TRIQK: variants seen among roughly 807,000 people sequenced by gnomAD.
The protein encoded by TRIQK is triple QxxK/R motif-containing protein.
Under a neutral mutation model 10.8 loss-of-function variants are expected in TRIQK, and 10 were observed. The observed-to-expected ratio is 0.92, with a 90% CI of 0.57 to 1.57. TRIQK has a LOEUF of 1.57. TRIQK is among the 40% of genes most tolerant of loss of function. The pLI, the probability that TRIQK is intolerant of heterozygous loss-of-function variation, is 0.00. For missense variants in TRIQK, 107 were observed against 97.7 expected (o/e 1.09, Z -0.40); for synonymous variants, 33 against 33.7 (o/e 0.98, Z 0.07).
At chr8:92,939,248 G>T (rs1811149914) in intron 2 of TRIQK, among the ~76,000 whole-genome samples, 1 of 152,138 alleles carries the variant, frequency 6.6e-6, no homozygotes, top group Non-Finnish European at 1.5e-5. Flanking sequence ...CCCCAGTGGG[G>T]TCTCAACTAA....
chr8:92,949,979 TG>T (rs1465025206), intron 2 of TRIQK, among the ~76,000 whole-genome samples: 1 of 152,172 alleles, frequency 6.6e-6, no homozygotes, highest in Non-Finnish European at 1.5e-5. Flanking sequence ...GATATAAGAA[TG>T]CTCTCAGAAT....
At chr8:92,910,158 G>C (rs532643435) in intron 3 of TRIQK, among the ~76,000 whole-genome samples, 1 of 151,300 alleles carries the variant, frequency 6.6e-6, no homozygotes, top group Non-Finnish European at 1.5e-5. Flanking sequence ...AAAAAAATTA[G>C]ATGGAGCTTC....
chr8:92,891,216 T>A (rs1223171383), intron 4 of TRIQK, among the ~76,000 whole-genome samples: 3 of 151,902 alleles, frequency 2.0e-5, no homozygotes, highest in Non-Finnish European at 2.9e-5. Flanking sequence ...CTGTAAGCTA[T>A]AACTTAGAAA....
intron 2 of TRIQK, among the ~76,000 whole-genome samples, chr8:92,933,973 C>CA (rs993142254): frequency 2.0e-4 from 30 of 151,860 alleles, no homozygotes; most frequent in African/African-American, 6.5e-4. Context: ...CCAAATTCAA[C>CA]AAAAAAATCC....
intron 1 of TRIQK, among the ~76,000 whole-genome samples, chr8:92,997,449 A>G (rs1032379374): frequency 3.3e-5 from 5 of 152,080 alleles, no homozygotes; most frequent in African/African-American, 4.8e-5. Context: ...TATCTAGGTT[A>G]CAAATTTATG....
intron 4 of TRIQK, among the ~76,000 whole-genome samples, chr8:92,888,989 G>A (rs1024852019): frequency 1.1e-4 from 17 of 151,588 alleles, no homozygotes; most frequent in Non-Finnish European, 3.0e-5. Flanking sequence ...CAACTAAATA[G>A]CAAACTTAGT....
At chr8:92,975,334 G>C (rs1194306330) in intron 1 of TRIQK, among the ~76,000 whole-genome samples, 1 of 152,200 alleles carries the variant, frequency 6.6e-6, no homozygotes, top group Non-Finnish European at 1.5e-5. Flanking sequence ...TAGACTTTTT[G>C]TGGGAGAATT....
rs148060700 is a variant in TRIQK at position 93,013,248 on chromosome 8, T to C, written c.-181+4361A>G. ...AATATGCTGATTCGATAAGCTTTTATTGAGTAACACTTGACTATTTGGATT... is the reference window on the plus strand; with the variant it reads ...AATATGCTGATTCGATAAGCTTTTACTGAGTAACACTTGACTATTTGGATT... On this transcript the variant is annotated intron_variant, in intron 1 of 4. Transcript: ENST00000520686. Among the ~76,000 whole-genome samples, 681 of 152,312 alleles carry C rather than the reference T, an allele frequency of 4.5e-3. 20 individuals carry two copies. Among genetic ancestry groups the C allele is most frequent in the Admixed American group, 0.04 (610 of 15,290 alleles).
intron 4 of TRIQK, among the ~76,000 whole-genome samples, chr8:92,888,007 T>C (rs965763458): frequency 1.3e-5 from 2 of 151,670 alleles, no homozygotes; most frequent in Non-Finnish European, 3.0e-5. Context: ...TTTGTTGCAG[T>C]AGAAACACTT....
At chr8:92,921,566 T>A (rs948246480) in intron 2 of TRIQK, 2 of 151,828 alleles carry the variant, frequency 1.3e-5, no homozygotes, top group Non-Finnish European at 3.0e-5. Flanking sequence ...CTAGGGTAAC[T>A]CTGAACATGA....
intron 1 of TRIQK, among the ~76,000 whole-genome samples, chr8:93,011,307 AC>A (rs1813332469): frequency 1.3e-5 from 2 of 152,012 alleles, no homozygotes; most frequent in Non-Finnish European, 2.9e-5. Context: ...TGATCTCACT[AC>A]ACAGAAATGA....
chr8:93,001,790 T>G (rs950355405), intron 1 of TRIQK, among the ~76,000 whole-genome samples: 2 of 152,184 alleles, frequency 1.3e-5, no homozygotes, highest in East Asian at 3.8e-4. Context: ...CAAATGCACC[T>G]AACACATTTA....
At chr8:93,015,574 C>T (rs759671937) in intron 1 of TRIQK, among the ~76,000 whole-genome samples, 4 of 151,170 alleles carry the variant, frequency 2.6e-5, no homozygotes, top group Admixed American at 6.6e-5. Flanking sequence ...AACTTTCTAA[C>T]AAATCCTCGC....
chr8:93,007,636 A>T (rs1327365021), intron 1 of TRIQK, among the ~76,000 whole-genome samples: 1 of 152,204 alleles, frequency 6.6e-6, no homozygotes, highest in Non-Finnish European at 1.5e-5. Context: ...CCATGATAAA[A>T]CTTTACAGCA....
rs565746909 is a variant in TRIQK, at chr8:92,915,900, G to A, written c.61+1029C>T. On this transcript the variant is annotated intron_variant, in intron 3 of 4. Coordinates refer to ENST00000521988, the MANE Select transcript of TRIQK (RefSeq NM_001171797.2). ...AGAAATATATTTTGCTTTATAGAGCGTACTTTTTGTGTCTTATTTATGAAA... is the reference window on the plus strand; with the variant it reads ...AGAAATATATTTTGCTTTATAGAGCATACTTTTTGTGTCTTATTTATGAAA... Among the ~76,000 whole-genome samples, 23 of 151,952 alleles carry A rather than the reference G, an allele frequency of 1.5e-4. No individual in the cohort carries two copies. In the East Asian group the frequency reaches 1.9e-3, roughly 13 times the overall value.
intron 3 of TRIQK, among the ~76,000 whole-genome samples, chr8:92,915,632 C>T (rs1415457233): frequency 6.6e-6 from 1 of 150,710 alleles, no homozygotes; most frequent in African/African-American, 2.4e-5. Context: ...GCTGGGACTA[C>T]AGGCGCCCAT....
intron 2 of TRIQK, among the ~76,000 whole-genome samples, chr8:92,923,699 C>A (rs917752737): frequency 6.6e-6 from 1 of 151,746 alleles, no homozygotes; most frequent in Non-Finnish European, 1.5e-5. Flanking sequence ...TTAAACTTTA[C>A]ACTCATTAGG....
chr8:93,014,196 C>T (rs563718132), intron 1 of TRIQK, among the ~76,000 whole-genome samples: 102 of 151,884 alleles, frequency 6.7e-4, no homozygotes, highest in African/African-American at 2.2e-3. Flanking sequence ...AAATCAATTT[C>T]GAATAAACAA....
intron 2 of TRIQK, among the ~76,000 whole-genome samples, chr8:92,937,499 T>C (rs1395773475): frequency 1.3e-5 from 2 of 151,968 alleles, no homozygotes; most frequent in South Asian, 2.1e-4. Flanking sequence ...TTTTATTTAA[T>C]GTAATTAAAT....
Sources: allele counts gnomAD v4.1 joint callset (sites outside exome capture counted in the v4.1 genomes callset), GRCh38; gene constraint gnomAD v4.1.1; transcripts MANE v1.5; gene names NCBI Gene and HGNC (gene_info 2026-07-23, HGNC 2026-07-21).